The following UCHL1 variants were observed in gnomAD, a reference collection of about 807,000 sequenced individuals.
UCHL1 encodes the protein ubiquitin C-terminal hydrolase L1, also known as ubiquitin carboxyl-terminal hydrolase isozyme L1.
Under a neutral mutation model 33.3 loss-of-function variants are expected in UCHL1, and 5 were observed. That is an observed-to-expected ratio of 0.15 (90% confidence interval 0.08 to 0.32). The LOEUF (loss-of-function observed/expected upper bound fraction) is 0.32. Ranked by LOEUF, UCHL1 falls within the 10% of genes least tolerant of loss-of-function variation. The pLI is 1.00. For missense variants in UCHL1, 236 were observed against 280.0 expected (o/e 0.84, Z 1.12); for synonymous variants, 132 against 108.8 (o/e 1.21, Z -1.33).
chr4:41,262,065 T>C, intron 6 of UCHL1, 142 bp downstream of exon 6: 1 of 1,202,194 alleles, frequency 8.3e-7, no homozygotes. Flanking sequence ...ACCCAAATAA[T>C]GCTTTGACTA....
rs1781185097 is a variant in UCHL1, at chr4:41,268,202, T to C, written c.*129T>C. The C allele has an allele frequency of 1.1e-6, 1 of 897,958 alleles. No individual in the cohort carries two copies. Among genetic ancestry groups the C allele is most frequent in the South Asian group, 1.4e-5 (1 of 69,278 alleles). The allele number at this position is 897,958 out of a possible 1,614,324, so 55.6% of individuals were successfully genotyped here. On this transcript the variant is annotated 3_prime_UTR_variant, in exon 9 of 9. Coordinates refer to ENST00000284440, the MANE Select transcript of UCHL1 (RefSeq NM_004181.5). ...TGTTCTTCTGTTCTGCAGACACGCC[T>C]TCCCCTCAGCCACACCCAGGCACTT...
chr4:41,268,249 C>T lies in UCHL1; in HGVS notation c.*176C>T. 1.5e-6 allele frequency: 1 copy of T among 659,674 alleles called. No individual in the cohort carries two copies. The allele number at this position is 659,674 out of a possible 1,614,324, so 40.9% of individuals were successfully genotyped here. On this transcript the variant is annotated 3_prime_UTR_variant, in exon 9 of 9. Transcript: ENST00000284440. Reference sequence around the variant, plus strand: ...ACTTAAGCACAAGCAGAGTGCACAGCTGTCCACTGGGCCATTGTGGTGTGA... The same window carrying T: ...ACTTAAGCACAAGCAGAGTGCACAGTTGTCCACTGGGCCATTGTGGTGTGA...
chr4:41,257,422 C>T, intron 2 of UCHL1, 187 bp from the exon 3 acceptor site: 1 of 952,372 alleles, frequency 1.1e-6, no homozygotes, highest in Non-Finnish European at 1.5e-6. Context: ...TCGCGGGCGC[C>T]ACGTGTGGGC....
At chr4:41,262,552 G>A (rs1366386475) in intron 6 of UCHL1, among the ~76,000 whole-genome samples, 1 of 151,948 alleles carries the variant, frequency 6.6e-6, no homozygotes, top group Non-Finnish European at 1.5e-5. Context: ...ACAAGTTCTA[G>A]AAGGCTTGAA....
intron 3 of UCHL1, among the ~76,000 whole-genome samples, chr4:41,258,771 A>C (rs1032988273): frequency 6.6e-5 from 10 of 152,226 alleles, no homozygotes; most frequent in African/African-American, 2.4e-4. Flanking sequence ...TAAGTAAGCT[A>C]AGTATTGTGG....
At chr4:41,263,625 C>T (rs1050491926) in intron 7 of UCHL1, among the ~76,000 whole-genome samples, 7 of 152,226 alleles carry the variant, frequency 4.6e-5, no homozygotes, top group African/African-American at 1.7e-4. Flanking sequence ...AGAAAGACGA[C>T]CCACCTTGTA....
chr4:41,267,670 T>C (rs1160752251), intron 8 of UCHL1, among the ~76,000 whole-genome samples: 1 of 152,252 alleles, frequency 6.6e-6, no homozygotes, highest in East Asian at 1.9e-4. Flanking sequence ...ATCTTTAGAT[T>C]TGAGGAAAAT....
At chr4:41,262,446 A>T (rs1268202082) in intron 6 of UCHL1, among the ~76,000 whole-genome samples, 1 of 152,158 alleles carries the variant, frequency 6.6e-6, no homozygotes, top group African/African-American at 2.4e-5. Context: ...AATAACAGAA[A>T]CAAATGAGTC....
rs71650920 is a variant in UCHL1, at chr4:41,266,226, C to CT, written c.586-1740dup. Among the ~76,000 whole-genome samples the CT allele has an allele frequency of 7.0e-3, 961 of 136,740 alleles. 11 individuals are homozygous for CT. Among genetic ancestry groups the CT allele is most frequent in the African/African-American group, 0.022 (768 of 35,602 alleles). The allele number at this position is 136,740 out of a possible 152,430, so 89.7% of individuals were successfully genotyped here. Reference sequence around the variant, plus strand: ...CGTGAGCCACAGTACCTGGCTAAAACTTTTTTTTTTTTTTTTTTTTTAACT... The same window carrying CT: ...CGTGAGCCACAGTACCTGGCTAAAACTTTTTTTTTTTTTTTTTTTTTTAACT... On this transcript the variant is annotated intron_variant, in intron 8 of 8. Transcript: ENST00000284440.
rs201952662 is a variant in UCHL1, at chr4:41,256,949, G to T, written c.-28G>T. On this transcript the variant is annotated 5_prime_UTR_variant, in exon 1 of 9. In the 5' UTR this introduces an upstream ATG that the reference lacks. Transcript: ENST00000284440. Reference sequence around the variant, plus strand: ...CGCTAGCTGTTTTTCGTCTTCCCTAGGCTATTTCTGCCGGGCGCTCCGCGA... The same window carrying T: ...CGCTAGCTGTTTTTCGTCTTCCCTATGCTATTTCTGCCGGGCGCTCCGCGA... 1.2e-6 allele frequency: 2 copies of T among 1,614,130 alleles called. No individual in the cohort carries two copies. The highest frequency in any genetic ancestry group is 1.7e-6 in the Non-Finnish European group (2 of 1,180,010).
intron 3 of UCHL1, among the ~76,000 whole-genome samples, chr4:41,258,024 T>C (rs1781011696): frequency 6.6e-6 from 1 of 152,212 alleles, no homozygotes; most frequent in African/African-American, 2.4e-5. Context: ...ATCCTACTCA[T>C]GAGTTCCCTC....
At chr4:41,263,703 C>T (rs576201879) in intron 7 of UCHL1, among the ~76,000 whole-genome samples, 2 of 152,354 alleles carry the variant, frequency 1.3e-5, no homozygotes, top group Non-Finnish European at 2.9e-5. Flanking sequence ...ATACGACCTA[C>T]AGGCTTACAA....
intron 4 of UCHL1, among the ~76,000 whole-genome samples, chr4:41,261,431 A>G (rs1781066387): frequency 6.6e-6 from 1 of 152,162 alleles, no homozygotes; most frequent in African/African-American, 2.4e-5. Flanking sequence ...GATTTGAGAG[A>G]TGAGTGAGGT....
chr4:41,257,598 CCT>C lies in UCHL1; in HGVS notation c.46-7_46-6del. ...CCCCGTGCGCCTGGCCGCCTTGTCT[CCT>C]CTCCGCAGGTGCTGTCCCGGCTGGG... On this transcript the variant is annotated splice_polypyrimidine_tract_variant and intron_variant, in intron 2 of 8. Coordinates refer to ENST00000284440, the MANE Select transcript of UCHL1 (RefSeq NM_004181.5). The C allele has an allele frequency of 2.0e-6, 3 of 1,523,816 alleles. No homozygotes were observed. The highest frequency in any genetic ancestry group is 2.6e-6 in the Non-Finnish European group (3 of 1,142,948). The allele number at this position is 1,523,816 out of a possible 1,614,324, so 94.4% of individuals were successfully genotyped here.
At chr4:41,265,265 A>G (rs1222767714) in intron 8 of UCHL1, among the ~76,000 whole-genome samples, 1 of 152,228 alleles carries the variant, frequency 6.6e-6, no homozygotes, top group Middle Eastern at 3.2e-3. Flanking sequence ...AAGGACTTAC[A>G]TGGCAAACTG....
chr4:41,258,732 G>T (rs6821822), intron 3 of UCHL1, among the ~76,000 whole-genome samples: 4 of 152,212 alleles, frequency 2.6e-5, no homozygotes, highest in Non-Finnish European at 4.4e-5. Flanking sequence ...AAAATCAAGA[G>T]TATGGGAAGT....
At chr4:41,263,954 A>G in intron 7 of UCHL1, 149 bp from the exon 8 acceptor site, 1 of 967,850 alleles carries the variant, frequency 1.0e-6, no homozygotes, top group South Asian at 1.3e-5. Flanking sequence ...CTTGAACCTC[A>G]TTTGCAGCCT....
At chr4:41,262,399 C>T (rs1781084481) in intron 6 of UCHL1, among the ~76,000 whole-genome samples, 1 of 152,194 alleles carries the variant, frequency 6.6e-6, no homozygotes, top group Admixed American at 6.5e-5. Flanking sequence ...TGAGCTGAGA[C>T]CATGTCGCTG....
intron 8 of UCHL1, 89 bp from the exon 9 acceptor site, chr4:41,267,898 G>A: frequency 8.5e-7 from 1 of 1,170,240 alleles, no homozygotes; most frequent in Non-Finnish European, 1.2e-6. Context: ...GGTGAACTTT[G>A]AGCATTAATA....
Sources: allele counts gnomAD v4.1 joint callset (sites outside exome capture counted in the v4.1 genomes callset), GRCh38; gene constraint gnomAD v4.1.1; transcripts MANE v1.5; gene names NCBI Gene and HGNC (gene_info 2026-07-23, HGNC 2026-07-21).